The following PKN2 variants were observed in gnomAD, a reference collection of about 807,000 sequenced individuals.
PKN2 encodes the protein protein kinase N2, also known as serine/threonine-protein kinase N2.
Under a neutral mutation model 119.1 loss-of-function variants are expected in PKN2, and 38 were observed. The observed-to-expected ratio is 0.32, with a 90% CI of 0.25 to 0.42. The LOEUF is 0.42. PKN2 is among the 10% of genes least tolerant of loss of function. PKN2 has a pLI of 1.00. For synonymous variants in PKN2, 390 were observed against 384.9 expected, an observed-to-expected ratio of 1.01 and a Z score of -0.15; for missense variants, 850 against 1,165.1, an observed-to-expected ratio of 0.73 and a Z score of 3.94.
At chr1:88,818,838 C>T (rs1557633732) in intron 16 of PKN2, among the ~76,000 whole-genome samples, 1 of 152,014 alleles carries the variant, frequency 6.6e-6, no homozygotes, top group Non-Finnish European at 1.5e-5. Context: ...TGTATATAGA[C>T]CAATGGAACA....
chr1:88,711,295 A>G (rs1486227397), intron 1 of PKN2, among the ~76,000 whole-genome samples: 2 of 139,710 alleles, frequency 1.4e-5, no homozygotes, highest in African/African-American at 6.1e-5. Flanking sequence ...ATTTAAAATT[A>G]AAAGAGAGAA....
intron 1 of PKN2, among the ~76,000 whole-genome samples, chr1:88,708,262 G>A (rs564316731): frequency 2.4e-4 from 37 of 152,196 alleles, no homozygotes; most frequent in African/African-American, 8.4e-4. Flanking sequence ...AAGGAAACTA[G>A]TTATGGGTAT....
At position 88,699,504 on chromosome 1, in the gene PKN2, G is replaced by A. The variant is rs12066376; in HGVS notation, c.48+14876G>A. 8.4e-3 allele frequency among the ~76,000 whole-genome samples: 1,279 copies of A among 152,132 alleles called. 13 individuals carry two copies. The highest frequency in any genetic ancestry group is 0.029 in the African/African-American group (1,205 of 41,484). ...AACATGTGCCATGGTGGTTTGCTGC[G>A]CAGATCATCCCATCACCTGGGTATT... On this transcript the variant is annotated intron_variant, in intron 1 of 21. Coordinates refer to ENST00000370521, the MANE Select transcript of PKN2 (RefSeq NM_006256.4).
chr1:88,783,742 C>T (rs1247025845), intron 6 of PKN2, among the ~76,000 whole-genome samples: 1 of 152,094 alleles, frequency 6.6e-6, no homozygotes, highest in East Asian at 1.9e-4. Context: ...ATCCAGAGGA[C>T]CTAACTCATA....
intron 1 of PKN2, among the ~76,000 whole-genome samples, chr1:88,731,328 G>T (rs1392047820): frequency 6.6e-6 from 1 of 152,220 alleles, no homozygotes; most frequent in East Asian, 1.9e-4. Context: ...GGATTAGGAT[G>T]AAATTAGAGA....
chr1:88,805,985 T>C lies in PKN2; in HGVS notation c.1771T>C (p.Ser591Pro), dbSNP rs1671522416. 1 of 1,613,496 alleles carries C rather than the reference T, an allele frequency of 6.2e-7. No individual in the cohort carries two copies. Among genetic ancestry groups the C allele is most frequent in the Admixed American group, 1.7e-5 (1 of 59,976 alleles). The change falls in exon 12 of 22, where the codon TCT becomes CCT. Residue 591 changes from serine to proline, a missense_variant. By Grantham distance (74) the Ser-to-Pro change is moderately conservative. This residue lies in a region of PKN2 where 216 missense variants were observed against 252.8 expected (regional missense o/e 0.85). Coordinates refer to ENST00000370521, the MANE Select transcript of PKN2 (RefSeq NM_006256.4). ...ASSLGEIDES[S>P]ELRVLDIPGQ... ...TTCTCTTGGAGAAATAGATGAATCTTCTGAATTAAGAGTTTTGGATATACC... is the reference window on the plus strand; with the variant it reads ...TTCTCTTGGAGAAATAGATGAATCTCCTGAATTAAGAGTTTTGGATATACC...
chr1:88,704,488 A>G (rs925308680), intron 1 of PKN2, among the ~76,000 whole-genome samples: 7 of 152,206 alleles, frequency 4.6e-5, no homozygotes, highest in African/African-American at 1.7e-4. Flanking sequence ...CACTTTCATT[A>G]TTCTTGTGTA....
At chr1:88,729,093 C>T (rs1049881062) in intron 1 of PKN2, among the ~76,000 whole-genome samples, 12 of 151,946 alleles carry the variant, frequency 7.9e-5, no homozygotes, top group African/African-American at 2.7e-4. Flanking sequence ...GGGGTTTCTC[C>T]ATGTTGGCCA....
At chr1:88,692,295 T>G (rs540615783) in intron 1 of PKN2, among the ~76,000 whole-genome samples, 22 of 152,278 alleles carry the variant, frequency 1.4e-4, no homozygotes, top group Middle Eastern at 6.8e-3. Context: ...ATTTTTTGTT[T>G]TGTTTTGTTT....
At chr1:88,741,341 A>G in intron 2 of PKN2, 53 bp downstream of exon 2, 3 of 1,159,454 alleles carry the variant, frequency 2.6e-6, no homozygotes, top group Non-Finnish European at 2.3e-6. Flanking sequence ...AAAAAAATGT[A>G]TCTTTTTAGA....
At chr1:88,761,707 T>G (rs922639615) in intron 3 of PKN2, among the ~76,000 whole-genome samples, 27 of 152,020 alleles carry the variant, frequency 1.8e-4, no homozygotes, top group African/African-American at 5.8e-4. Flanking sequence ...TTATGAACAT[T>G]AGATTTTATG....
intron 1 of PKN2, among the ~76,000 whole-genome samples, chr1:88,740,120 A>C (rs77591748): frequency 0.04 from 6,141 of 152,226 alleles, 280 homozygotes; most frequent in African/African-American, 0.1. Context: ...GTGTATTTAG[A>C]TTATATGCAA....
At chr1:88,813,084 A>G (rs1258936854) in intron 15 of PKN2, among the ~76,000 whole-genome samples, 1 of 152,148 alleles carries the variant, frequency 6.6e-6, no homozygotes, top group Non-Finnish European at 1.5e-5. Context: ...AATTTTATGC[A>G]GCATATCTGT....
chr1:88,793,471 C>G (rs1670931668), intron 8 of PKN2, among the ~76,000 whole-genome samples: 1 of 152,108 alleles, frequency 6.6e-6, no homozygotes, highest in Non-Finnish European at 1.5e-5. Context: ...GTTCATAGGT[C>G]AGCAGTATAG....
At chr1:88,698,657 A>G (rs1015667538) in intron 1 of PKN2, among the ~76,000 whole-genome samples, 1 of 152,248 alleles carries the variant, frequency 6.6e-6, no homozygotes, top group Non-Finnish European at 1.5e-5. Context: ...AATTAGAAGT[A>G]AAGACCACTT....
chr1:88,801,527 AT>A (rs1387899147), intron 8 of PKN2, among the ~76,000 whole-genome samples: 1 of 152,182 alleles, frequency 6.6e-6, no homozygotes, highest in African/African-American at 2.4e-5. Context: ...GGATGTTAGG[AT>A]TTAAAGTGGG....
chr1:88,692,794 C>T (rs576287927), intron 1 of PKN2, among the ~76,000 whole-genome samples: 14 of 151,998 alleles, frequency 9.2e-5, no homozygotes, highest in Non-Finnish European at 1.6e-4. Context: ...CTAACTTTTT[C>T]GCTTTCTTTT....
chr1:88,822,299 C>T (rs1267252475), intron 17 of PKN2, among the ~76,000 whole-genome samples: 2 of 152,116 alleles, frequency 1.3e-5, no homozygotes, highest in African/African-American at 2.4e-5. Context: ...TCAAACGACT[C>T]ATTGCAGAAA....
chr1:88,835,116 C>CT lies in PKN2; in HGVS notation c.*1669dup, dbSNP rs1051475516. ...TGTTTTAGCATCTTTTCATTGTACT[C>CT]TGAGAACAATTAAAATTGTCCAGAG... On this transcript the variant is annotated 3_prime_UTR_variant, in exon 22 of 22. Coordinates refer to ENST00000370521, the MANE Select transcript of PKN2 (RefSeq NM_006256.4). 1.3e-5 allele frequency: 2 copies of CT among 152,122 alleles called. No homozygotes were observed. Among genetic ancestry groups the CT allele is most frequent in the African/African-American group, 4.8e-5 (2 of 41,422 alleles). 9.4% of individuals were successfully genotyped at this position (152,122 alleles called of 1,614,324 possible).
Sources: allele counts gnomAD v4.1 joint callset (sites outside exome capture counted in the v4.1 genomes callset), GRCh38; gene constraint gnomAD v4.1.1; regional missense constraint gnomAD v4.1.1; transcripts MANE v1.5; gene names NCBI Gene and HGNC (gene_info 2026-07-23, HGNC 2026-07-21).